Variants in STAG1 observed in about 807,000 individuals in gnomAD.
The protein encoded by STAG1 is STAG1 cohesin complex component.
In STAG1, 26 loss-of-function variants were observed where a neutral mutation model predicts 170.9. The observed-to-expected ratio is 0.15, with a 90% CI of 0.11 to 0.21. STAG1 has a LOEUF of 0.21. Among genes scored for constraint, STAG1 ranks in the 10% least tolerant of loss-of-function variants. The pLI, the probability that STAG1 is intolerant of heterozygous loss-of-function variation, is 1.00. For missense variants in STAG1, 964 were observed against 1,509.5 expected, an observed-to-expected ratio of 0.64 and a Z score of 5.99; for synonymous variants, 514 against 497.7, an observed-to-expected ratio of 1.03 and a Z score of -0.44.
At chr3:136,626,674 T>C (rs1008562217) in intron 2 of STAG1, among the ~76,000 whole-genome samples, 3 of 152,216 alleles carry the variant, frequency 2.0e-5, no homozygotes, top group African/African-American at 4.8e-5. Flanking sequence ...CAATGAATCA[T>C]ACTGCTTTTT....
intron 1 of STAG1, among the ~76,000 whole-genome samples, chr3:136,692,110 T>C (rs909713338): frequency 2.0e-5 from 3 of 148,980 alleles, no homozygotes; most frequent in Admixed American, 1.3e-4. Context: ...AGGTCAGGAG[T>C]TTGAGACCAG....
intron 14 of STAG1, among the ~76,000 whole-genome samples, chr3:136,451,169 TAAAA>T (rs66694432): frequency 7.0e-6 from 1 of 143,164 alleles, no homozygotes; most frequent in Non-Finnish European, 1.5e-5. Context: ...TACAATATAT[TAAAA>T]AAAAAAAAAC....
At chr3:136,361,012 T>G (rs2108283434) in intron 26 of STAG1, among the ~76,000 whole-genome samples, 1 of 152,332 alleles carries the variant, frequency 6.6e-6, no homozygotes, top group Non-Finnish European at 1.5e-5. Context: ...CCTTAAACTT[T>G]AAAACTTAAA....
intron 9 of STAG1, among the ~76,000 whole-genome samples, chr3:136,498,267 CACACACCACACACACAT>C (rs1933257356): frequency 1.8e-5 from 1 of 56,672 alleles, no homozygotes; most frequent in Non-Finnish European, 3.5e-5. Context: ...CACACACACA[CACACACCACACACACAT>C]ACACACACAC....
At chr3:136,562,612 A>G (rs1216321038) in intron 5 of STAG1, among the ~76,000 whole-genome samples, 1 of 151,298 alleles carries the variant, frequency 6.6e-6, no homozygotes, top group African/African-American at 2.4e-5. Flanking sequence ...TTTGAGACAG[A>G]GTTTTGCTCC....
At chr3:136,730,898 C>T (rs1359215488) in intron 1 of STAG1, among the ~76,000 whole-genome samples, 1 of 152,180 alleles carries the variant, frequency 6.6e-6, no homozygotes, top group East Asian at 1.9e-4. Flanking sequence ...ATCAGAATCA[C>T]CTGAAGACCT....
chr3:136,721,887 C>A (rs1933297415), intron 1 of STAG1, among the ~76,000 whole-genome samples: 1 of 150,894 alleles, frequency 6.6e-6, no homozygotes, highest in Admixed American at 6.6e-5. Context: ...TGCATTTCAG[C>A]CTGGGCAACA....
chr3:136,514,058 T>C (rs968281738), intron 7 of STAG1, among the ~76,000 whole-genome samples: 6 of 152,190 alleles, frequency 3.9e-5, no homozygotes, highest in African/African-American at 1.4e-4. Context: ...GGTACCATTA[T>C]AGAGAATTTT....
chr3:136,594,261 T>C (rs2107796090), intron 4 of STAG1, among the ~76,000 whole-genome samples: 1 of 152,262 alleles, frequency 6.6e-6, no homozygotes, highest in East Asian at 1.9e-4. Flanking sequence ...TCCTCTCCAT[T>C]TGATGATACG....
At chr3:136,690,715 G>A (rs1354518321) in intron 1 of STAG1, among the ~76,000 whole-genome samples, 1 of 152,130 alleles carries the variant, frequency 6.6e-6, no homozygotes, top group Admixed American at 6.6e-5. Context: ...GTTCTGTGAG[G>A]AGGAAGAGTC....
At chr3:136,718,039 T>C (rs914979866) in intron 1 of STAG1, among the ~76,000 whole-genome samples, 2 of 152,176 alleles carry the variant, frequency 1.3e-5, no homozygotes, top group Non-Finnish European at 2.9e-5. Flanking sequence ...CTTTAAAACA[T>C]ATACACACAC....
At chr3:136,454,388 GT>G (rs199698105) in intron 13 of STAG1, among the ~76,000 whole-genome samples, 1 of 149,906 alleles carries the variant, frequency 6.7e-6, no homozygotes, top group Non-Finnish European at 1.5e-5. Flanking sequence ...CTTATTTTAT[GT>G]TTTTTTTGAG....
chr3:136,711,517 C>T (rs1476562747), intron 1 of STAG1, among the ~76,000 whole-genome samples: 1 of 151,572 alleles, frequency 6.6e-6, no homozygotes, highest in African/African-American at 2.4e-5. Context: ...ACTGTTATCA[C>T]GCTACTGCAC....
intron 12 of STAG1, among the ~76,000 whole-genome samples, chr3:136,470,843 T>A (rs959491896): frequency 5.3e-5 from 8 of 152,106 alleles, no homozygotes; most frequent in African/African-American, 1.7e-4. Flanking sequence ...GGGACATGGA[T>A]GAAGCTGGAA....
intron 5 of STAG1, among the ~76,000 whole-genome samples, chr3:136,564,423 G>A (rs1057022347): frequency 6.6e-6 from 1 of 152,164 alleles, no homozygotes; most frequent in Non-Finnish European, 1.5e-5. Flanking sequence ...TTAAACTTGT[G>A]CCAATCTGAT....
At chr3:136,704,894 T>C (rs1283861234) in intron 1 of STAG1, among the ~76,000 whole-genome samples, 4 of 138,418 alleles carry the variant, frequency 2.9e-5, no homozygotes, top group Non-Finnish European at 6.3e-5. Context: ...ATTAAGAAGA[T>C]ATAACAATTA....
chr3:136,553,115 T>C (rs1045715225), intron 5 of STAG1, among the ~76,000 whole-genome samples: 3 of 152,198 alleles, frequency 2.0e-5, no homozygotes, highest in South Asian at 4.1e-4. Context: ...AGTTTGAATA[T>C]CCACAGGGGA....
At chr3:136,625,581 T>C (rs1439338400) in intron 2 of STAG1, among the ~76,000 whole-genome samples, 1 of 152,232 alleles carries the variant, frequency 6.6e-6, no homozygotes, top group Non-Finnish European at 1.5e-5. Flanking sequence ...TACAAATTTA[T>C]TGTCACCATT....
At chr3:136,374,577 A>G (rs1427242084) in intron 23 of STAG1, among the ~76,000 whole-genome samples, 7 of 151,928 alleles carry the variant, frequency 4.6e-5, no homozygotes, top group Non-Finnish European at 7.4e-5. Flanking sequence ...AGAATGTGCC[A>G]CTGCACTCCA....
Sources: allele counts gnomAD v4.1 joint callset (sites outside exome capture counted in the v4.1 genomes callset), GRCh38; gene constraint gnomAD v4.1.1; transcripts MANE v1.5; gene names NCBI Gene and HGNC (gene_info 2026-07-23, HGNC 2026-07-21).